RBFOX1: variants seen among roughly 807,000 people sequenced by gnomAD.
RBFOX1 encodes RNA binding fox-1 homolog 1, also known as RNA binding protein fox-1 homolog 1.
RBFOX1 carries 8 observed loss-of-function variants against 57.7 expected under a neutral mutation model. That is an observed-to-expected ratio of 0.14 (90% CI 0.08 to 0.25). RBFOX1 has a LOEUF of 0.25. Ranked by LOEUF, RBFOX1 falls within the 10% of genes least tolerant of loss-of-function variation. The pLI, the probability that RBFOX1 is intolerant of heterozygous loss-of-function variation, is 1.00. For missense variants in RBFOX1, 611 were observed against 548.5 expected (o/e 1.11, Z -1.14); for synonymous variants, 326 against 222.4 (o/e 1.47, Z -4.15).
chr16:6,938,991 C>G (rs2077852662), intron 3 of RBFOX1, among the ~76,000 whole-genome samples: 1 of 152,120 alleles, frequency 6.6e-6, no homozygotes, highest in African/African-American at 2.4e-5. Context: ...TGCACTGTAA[C>G]TGTTCTTGTA....
At chr16:7,238,953 T>C (rs1329336561) in intron 4 of RBFOX1, among the ~76,000 whole-genome samples, 1 of 152,172 alleles carries the variant, frequency 6.6e-6, no homozygotes, top group Non-Finnish European at 1.5e-5. Context: ...TCATCCATGT[T>C]CCTGCAAAGG....
At chr16:7,016,403 C>G (rs1333366035) in intron 3 of RBFOX1, among the ~76,000 whole-genome samples, 3 of 152,164 alleles carry the variant, frequency 2.0e-5, no homozygotes, top group East Asian at 1.9e-4. Context: ...AAACAAGGCA[C>G]TGAACTTAAA....
chr16:5,356,617 A>G (rs1345896912), intron 1 of RBFOX1, among the ~76,000 whole-genome samples: 1 of 152,178 alleles, frequency 6.6e-6, no homozygotes, highest in African/African-American at 2.4e-5. Context: ...TTTACCATGA[A>G]AAATATACTT....
chr16:6,205,946 A>G (rs575515897), intron 1 of RBFOX1, among the ~76,000 whole-genome samples: 37 of 142,934 alleles, frequency 2.6e-4, no homozygotes, highest in African/African-American at 8.9e-4. Context: ...AGTGCACCTG[A>G]AAGTCACAGG....
rs577892623 is a variant in RBFOX1 at position 7,583,940 on chromosome 16, A to G, written c.415-3307A>G. 6.6e-5 allele frequency among the ~76,000 whole-genome samples: 10 copies of G among 152,332 alleles called. No individual in the cohort carries two copies. The South Asian group carries it at 2.1e-3, about 32-fold the overall frequency. On this transcript the variant is annotated intron_variant, in intron 6 of 15. Coordinates refer to ENST00000550418, the MANE Select transcript of RBFOX1 (RefSeq NM_018723.4). Reference sequence around the variant, plus strand: ...GATCACATGACTTTCAGCACATGCAAAGGAAGATTTCAAGATCACTTTTTA... The same window carrying G: ...GATCACATGACTTTCAGCACATGCAGAGGAAGATTTCAAGATCACTTTTTA...
intron 2 of RBFOX1, among the ~76,000 whole-genome samples, chr16:6,533,480 G>T (rs1382049610): frequency 3.3e-5 from 5 of 152,146 alleles, no homozygotes; most frequent in Admixed American, 6.5e-5. Flanking sequence ...AGTGGTTCTG[G>T]ACTCTACACT....
chr16:5,451,985 C>T (rs1379304105), intron 1 of RBFOX1, among the ~76,000 whole-genome samples: 1 of 152,094 alleles, frequency 6.6e-6, no homozygotes, highest in East Asian at 1.9e-4. Context: ...AATTGAAGAT[C>T]AAATTCACCA....
intron 1 of RBFOX1, among the ~76,000 whole-genome samples, chr16:5,434,717 A>G (rs529420049): frequency 2.1e-4 from 32 of 152,292 alleles, no homozygotes; most frequent in African/African-American, 6.7e-4. Context: ...CTGTCATGAA[A>G]TGTAAGGGAT....
At chr16:7,055,133 G>C (rs968545922) in intron 4 of RBFOX1, among the ~76,000 whole-genome samples, 2 of 152,042 alleles carry the variant, frequency 1.3e-5, no homozygotes, top group Non-Finnish European at 2.9e-5. Flanking sequence ...GTTAAAAAAA[G>C]CTAAACAGTT....
intron 4 of RBFOX1, among the ~76,000 whole-genome samples, chr16:7,347,425 T>C (rs1295195291): frequency 6.6e-6 from 1 of 152,144 alleles, no homozygotes; most frequent in African/African-American, 2.4e-5. Context: ...GACTTGTTCA[T>C]TATCAGGAGA....
At chr16:6,815,208 A>G (rs2089798740) in intron 3 of RBFOX1, among the ~76,000 whole-genome samples, 1 of 152,162 alleles carries the variant, frequency 6.6e-6, no homozygotes, top group South Asian at 2.1e-4. Flanking sequence ...TAATTAGCAT[A>G]TAGTGAAGAG....
chr16:6,625,138 C>T (rs1176569311), intron 2 of RBFOX1, among the ~76,000 whole-genome samples: 2 of 137,554 alleles, frequency 1.5e-5, no homozygotes, highest in African/African-American at 5.5e-5. Flanking sequence ...GCACTCCATC[C>T]TCGGCCACCA....
intron 3 of RBFOX1, among the ~76,000 whole-genome samples, chr16:6,783,560 G>A (rs2154239078): frequency 6.6e-6 from 1 of 151,858 alleles, no homozygotes; most frequent in South Asian, 2.1e-4. Context: ...TCCATCTCCT[G>A]CAGTCTGACT....
intron 3 of RBFOX1, among the ~76,000 whole-genome samples, chr16:5,611,855 C>A (rs976656967): frequency 1.4e-5 from 2 of 142,202 alleles, no homozygotes; most frequent in South Asian, 2.3e-4. Flanking sequence ...CTACTGTGTG[C>A]AGTAGCTCAT....
In RBFOX1 at chr16:7,426,479, G is replaced by A. The variant is rs75002360; in HGVS notation, c.28-91668G>A. Among the ~76,000 whole-genome samples, 20 of 152,286 alleles carry A rather than the reference G, an allele frequency of 1.3e-4. No individual in the cohort carries two copies. In the East Asian group the frequency reaches 2.5e-3, roughly 19 times the overall value. ...CTAATGATAGTTTTCAAGCAACAGC[G>A]TGAGTTCCTGAGCAGCATGGTGATC... On this transcript the variant is annotated intron_variant, in intron 4 of 15. Transcript: ENST00000550418.
chr16:5,530,988 G>A (rs955984912), intron 2 of RBFOX1, among the ~76,000 whole-genome samples: 2 of 145,762 alleles, frequency 1.4e-5, no homozygotes, highest in Admixed American at 6.9e-5. Context: ...AGCCAGGCTT[G>A]GTGGCAGGCA....
intron 3 of RBFOX1, among the ~76,000 whole-genome samples, chr16:6,889,414 AC>A (rs2064901029): frequency 1.3e-5 from 2 of 152,222 alleles, no homozygotes; most frequent in African/African-American, 4.8e-5. Flanking sequence ...GGCTCTGTCA[AC>A]TTGGATTTCC....
intron 5 of RBFOX1, among the ~76,000 whole-genome samples, chr16:7,533,199 T>C (rs2080571074): frequency 6.6e-6 from 1 of 152,198 alleles, no homozygotes; most frequent in Admixed American, 6.5e-5. Flanking sequence ...CTGGGTTGTT[T>C]TTAATAAAAG....
chr16:7,432,367 A>G (rs1366718312), intron 4 of RBFOX1, among the ~76,000 whole-genome samples: 1 of 152,174 alleles, frequency 6.6e-6, no homozygotes, highest in Non-Finnish European at 1.5e-5. Context: ...TTACTCTTTG[A>G]AAAATTTAGG....
Sources: allele counts gnomAD v4.1 joint callset (sites outside exome capture counted in the v4.1 genomes callset), GRCh38; gene constraint gnomAD v4.1.1; transcripts MANE v1.5; gene names NCBI Gene and HGNC (gene_info 2026-07-23, HGNC 2026-07-21).